KLHL23: variants seen among roughly 807,000 people sequenced by gnomAD.
KLHL23 encodes the protein kelch-like protein 23.
A neutral mutation model predicts 48.9 loss-of-function variants in KLHL23; 33 were observed. That is an observed-to-expected ratio of 0.67 (90% CI 0.51 to 0.90). The LOEUF (loss-of-function observed/expected upper bound fraction) is 0.90. Ranked by LOEUF, KLHL23 falls within the 40% of genes least tolerant of loss-of-function variation. The pLI is 0.00. For missense variants in KLHL23, 608 were observed against 669.6 expected, an observed-to-expected ratio of 0.91 and a Z score of 1.02; for synonymous variants, 234 against 231.6, an observed-to-expected ratio of 1.01 and a Z score of -0.09.
chr2:169,746,336 G>A (rs1004175428), intron 3 of KLHL23, among the ~76,000 whole-genome samples: 3 of 152,226 alleles, frequency 2.0e-5, no homozygotes, highest in African/African-American at 7.2e-5. Flanking sequence ...AATGGATATT[G>A]TGGTTTTCTC....
chr2:169,743,744 C>A (rs1688729179), intron 3 of KLHL23, among the ~76,000 whole-genome samples: 1 of 152,236 alleles, frequency 6.6e-6, no homozygotes, highest in Non-Finnish European at 1.5e-5. Context: ...TTCCAATTCT[C>A]CTCACGTCAC....
intron 1 of KLHL23, among the ~76,000 whole-genome samples, chr2:169,734,613 G>T (rs1005187610): frequency 1.3e-5 from 2 of 152,212 alleles, no homozygotes; most frequent in Admixed American, 1.3e-4. Context: ...ATTTGAAAGG[G>T]AGACGAGCTT....
chr2:169,742,761 CCTA>C (rs1688706127), intron 3 of KLHL23, among the ~76,000 whole-genome samples: 2 of 152,192 alleles, frequency 1.3e-5, no homozygotes, highest in Non-Finnish European at 2.9e-5. Context: ...ACTTCTCCCT[CCTA>C]GTAGCCCAAA....
rs1574531640 is a variant in KLHL23 at position 169,749,850 on chromosome 2, G to A, written c.*118G>A. Reference sequence around the variant, plus strand: ...GTGTCTGGCACATGATAGGGGATCAGTAAATTGTAATTCCTAACCCTACTG... The same window carrying A: ...GTGTCTGGCACATGATAGGGGATCAATAAATTGTAATTCCTAACCCTACTG... On this transcript the variant is annotated 3_prime_UTR_variant, in exon 4 of 4. Coordinates refer to ENST00000392647, the MANE Select transcript of KLHL23 (RefSeq NM_144711.6). The A allele has an allele frequency of 1.4e-5, 18 of 1,261,946 alleles. No homozygotes were observed. In the East Asian group the frequency reaches 4.0e-4, roughly 28 times the overall value. 78.2% of individuals were successfully genotyped at this position (1,261,946 alleles called of 1,614,324 possible). A position where few individuals can be genotyped will look rare whatever the true frequency, so the allele number is the denominator to read the frequency against.
chr2:169,735,732 G>A lies in KLHL23; in HGVS notation c.718G>A (p.Gly240Ser), dbSNP rs142678235. ...TCCAGTGTACTTAAAAACAGCCTTA[G>A]GCCTTCAAAGAAGCTGCCTGCTCAC... is the stretch of plus-strand genomic sequence containing the variant. ...IDPVYLKTAL[G>S]LQRSCLLTEN... Residue 240 changes from glycine (G) to serine (S), a missense_variant, in exon 2 of 4, where the codon GGC becomes AGC. Gly to Ser is a moderately conservative substitution (Grantham distance 56). Coordinates refer to ENST00000392647, the MANE Select transcript of KLHL23 (RefSeq NM_144711.6). This position sits in a 1 kb window ranked among gnomAD's most constrained non-coding sequence, Gnocchi z 4.5. 66 of 1,613,820 alleles carry A rather than the reference G, an allele frequency of 4.1e-5. No homozygotes were observed. The highest frequency in any genetic ancestry group is 5.4e-5 in the Non-Finnish European group (64 of 1,180,026).
At position 169,735,281 on chromosome 2, in the gene KLHL23, A is replaced by T. The variant is rs777346971; in HGVS notation, c.267A>T (p.Glu89Asp). 5 of 1,612,198 alleles carry T rather than the reference A, an allele frequency of 3.1e-6. No individual in the cohort carries two copies. The highest frequency in any genetic ancestry group is 1.7e-5 in the Admixed American group (1 of 59,696). ...CTGGCATCCACCATGATATTCTGGA[A>T]GGCCTTGTAAATTATGCATACACTT... ...KLSGIHHDIL[E>D]GLVNYAYTSQ... Residue 89 changes from glutamate (E) to aspartate (D), a missense_variant, in exon 2 of 4, where the codon GAA (glutamate) becomes GAT (aspartate). Glu to Asp is a conservative substitution (Grantham distance 45). This residue lies in a region of KLHL23 where 419 missense variants were observed against 473.1 expected (regional missense o/e 0.89). Transcript: ENST00000392647. This position sits in a 1 kb window ranked among gnomAD's most constrained non-coding sequence, Gnocchi z 4.5.
At chr2:169,741,831 T>C (rs1011805749) in intron 3 of KLHL23, among the ~76,000 whole-genome samples, 6 of 152,214 alleles carry the variant, frequency 3.9e-5, no homozygotes, top group Admixed American at 6.6e-5. Flanking sequence ...ATGCCATCTT[T>C]CATTTATGAC....
chr2:169,736,313 G>A, intron 2 of KLHL23, 86 bp downstream of exon 2: 1 of 1,487,050 alleles, frequency 6.7e-7, no homozygotes, highest in South Asian at 1.4e-5. Context: ...TATCACTTTG[G>A]GATGCTATCT....
intron 3 of KLHL23, among the ~76,000 whole-genome samples, chr2:169,747,225 A>G (rs1037646981): frequency 6.6e-6 from 1 of 151,788 alleles, no homozygotes; most frequent in African/African-American, 2.4e-5. Context: ...TTAGCCAGGC[A>G]TGGTGGTGCG....
chr2:169,738,947 TCCTCCCCCTCCTCCCTCTCC>T (rs1688598567), intron 2 of KLHL23, among the ~76,000 whole-genome samples: 1 of 926 alleles, frequency 1.1e-3, no homozygotes, highest in Non-Finnish European at 1.8e-3. Flanking sequence ...TCCTTCCCTC[TCCTCCCCCTCCTCCCTCTCC>T]TCCCCCTTCC....
At chr2:169,736,926 TTC>T (rs1377128856) in intron 2 of KLHL23, among the ~76,000 whole-genome samples, 4 of 152,176 alleles carry the variant, frequency 2.6e-5, no homozygotes, top group African/African-American at 7.2e-5. Flanking sequence ...TCCCAGGCTT[TTC>T]TGTTTCTTTT....
At chr2:169,734,174 G>GCGGGGCCGGGCGCGGGCAT (rs1405293158) in intron 1 of KLHL23, 87 bp downstream of exon 1, 1 of 147,618 alleles carries the variant, frequency 6.8e-6, no homozygotes, top group Non-Finnish European at 1.5e-5. Flanking sequence ...GGCGCGGGCA[G>GCGGGGCCGGGCGCGGGCAT]CGGGGCCGGG....
chr2:169,743,359 A>G (rs1460097679), intron 3 of KLHL23, among the ~76,000 whole-genome samples: 1 of 152,226 alleles, frequency 6.6e-6, no homozygotes, highest in Non-Finnish European at 1.5e-5. Context: ...AAGTATTAAT[A>G]AGTCATGGCA....
chr2:169,745,819 G>A (rs1008405667), intron 3 of KLHL23, among the ~76,000 whole-genome samples: 3 of 152,188 alleles, frequency 2.0e-5, no homozygotes, highest in African/African-American at 7.2e-5. Context: ...GACAGGAAGG[G>A]AGAAGAGGGG....
rs144056248 is a variant in KLHL23 at position 169,744,173 on chromosome 2, C to T, written c.1366+2636C>T. Among the ~76,000 whole-genome samples, 945 of 152,184 alleles carry T rather than the reference C, an allele frequency of 6.2e-3. 10 individuals carry two copies. The highest frequency in any genetic ancestry group is 0.022 in the African/African-American group (910 of 41,508). ...GTTAGTCTTTACTGCCGTAGGAGCT[C>T]AGAATCCAGGAGCAAATATACATAC... On this transcript the variant is annotated intron_variant, in intron 3 of 3. Transcript: ENST00000392647.
Position 169,734,999 on chromosome 2 carries a change from C to T in KLHL23, c.-2-14C>T. 1 of 1,516,702 alleles carries T rather than the reference C, an allele frequency of 6.6e-7. No homozygotes were observed. The highest frequency in any genetic ancestry group is 8.8e-7 in the Non-Finnish European group (1 of 1,137,996). The allele number at this position is 1,516,702 out of a possible 1,614,324, so 94.0% of individuals were successfully genotyped here. The stretch of plus-strand genomic sequence containing the variant: ...AACATTGAAAACACATTTGTTATTT[C>T]ATATTTATTGCAGCCATGGCTCTAA... On this transcript the variant is annotated splice_polypyrimidine_tract_variant and intron_variant, in intron 1 of 3. Coordinates refer to ENST00000392647, the MANE Select transcript of KLHL23 (RefSeq NM_144711.6).
rs556092161 is a variant in KLHL23, at chr2:169,743,743, T to C, written c.1366+2206T>C. ...CGTTTCACCACAGTCCTTCCAATTC[T>C]CCTCACGTCACTGACCTAGGGGGCC... On this transcript the variant is annotated intron_variant, in intron 3 of 3. Coordinates refer to ENST00000392647, the MANE Select transcript of KLHL23 (RefSeq NM_144711.6). 2.0e-5 allele frequency among the ~76,000 whole-genome samples: 3 copies of C among 152,342 alleles called. No individual in the cohort carries two copies. The East Asian group carries it at 5.8e-4, about 29-fold the overall frequency.
At position 169,736,237 on chromosome 2, in the gene KLHL23, G is replaced by T; in HGVS notation, c.1213+10G>T. The T allele has an allele frequency of 1.9e-6, 3 of 1,584,434 alleles. No homozygotes were observed. The highest frequency in any genetic ancestry group is 2.6e-6 in the Non-Finnish European group (3 of 1,167,260). Reference sequence around the variant, plus strand: ...GCAAACATGATTAAAGGTAAGTGGAGATTATGTTTATTTTGTATTTTTTAG... The same window carrying T: ...GCAAACATGATTAAAGGTAAGTGGATATTATGTTTATTTTGTATTTTTTAG... On this transcript the variant is annotated intron_variant, in intron 2 of 3. Transcript: ENST00000392647.
At position 169,749,633 on chromosome 2, in the gene KLHL23, C is replaced by T. The variant is rs1558951648; in HGVS notation, c.1578C>T (p.Ser526=). 6.2e-6 allele frequency: 10 copies of T among 1,614,018 alleles called. No homozygotes were observed. The highest frequency in any genetic ancestry group is 8.5e-6 in the Non-Finnish European group (10 of 1,180,022). Residue 526 remains serine, a synonymous_variant, in exon 4 of 4, where the codon AGC becomes AGT. Coordinates refer to ENST00000392647, the MANE Select transcript of KLHL23 (RefSeq NM_144711.6). ...ACTCAAAGGGAACGTATCTTCAGAG[C>T]ATTGAGAAATATGATCCAGATCTTA... ...YSYSKGTYLQ[S]IEKYDPDLNK...
Sources: allele counts gnomAD v4.1 joint callset (sites outside exome capture counted in the v4.1 genomes callset), GRCh38; gene constraint gnomAD v4.1.1; regional missense constraint gnomAD v4.1.1; non-coding constraint Gnocchi (gnomAD v3.1); transcripts MANE v1.5; gene names NCBI Gene and HGNC (gene_info 2026-07-23, HGNC 2026-07-21).